Variants in MCC observed in about 807,000 individuals in gnomAD.
MCC encodes the protein MCC regulator of Wnt signaling pathway, also known as colorectal mutant cancer protein.
Under a neutral mutation model 116.2 loss-of-function variants are expected in MCC, and 90 were observed. The ratio of observed to expected loss-of-function variants is 0.77; its 90% CI spans 0.65 to 0.92. MCC has a LOEUF of 0.92. Ranked by LOEUF, MCC falls within the 40% of genes least tolerant of loss-of-function variation. The pLI is 0.00. For synonymous variants in MCC, 578 were observed against 510.5 expected (o/e 1.13, Z -1.78); for missense variants, 1,516 against 1,312.2 (o/e 1.16, Z -2.40).
intron 3 of MCC, among the ~76,000 whole-genome samples, chr5:113,338,875 C>T (rs1767934772): frequency 6.6e-6 from 1 of 152,142 alleles, no homozygotes; most frequent in South Asian, 2.1e-4. Flanking sequence ...ACAAACAGTG[C>T]AATAACTATG....
rs75435573 is a variant in MCC at position 113,064,694 on chromosome 5, A to T, written c.2030-527T>A. 3.1e-3 allele frequency among the ~76,000 whole-genome samples: 478 copies of T among 152,278 alleles called. 10 individuals carry two copies. In the East Asian group the frequency reaches 0.058, roughly 18 times the overall value. On this transcript the variant is annotated intron_variant, in intron 13 of 18. Coordinates refer to ENST00000408903, the MANE Select transcript of MCC (RefSeq NM_001085377.2). ...TTTAGATTGGCTCTGTATTATAGGT[A>T]CCGATGCCACCCCTGACCCTTCTCT...
chr5:113,477,770 C>G (rs761427362), intron 1 of MCC, among the ~76,000 whole-genome samples: 50 of 152,108 alleles, frequency 3.3e-4, no homozygotes, highest in Non-Finnish European at 6.2e-4. Context: ...TCATGCCAAA[C>G]AAAGAAAGCT....
chr5:113,174,613 CT>C (rs530345977), intron 3 of MCC, among the ~76,000 whole-genome samples: 8,830 of 144,140 alleles, frequency 0.061, 272 homozygotes, highest in African/African-American at 0.062. Context: ...TTTCTTAAGA[CT>C]TTTTTTTTTT....
intron 18 of MCC, 146 bp from the exon 19 acceptor site, chr5:113,027,628 G>T: frequency 1.3e-6 from 1 of 762,446 alleles, no homozygotes; most frequent in Non-Finnish European, 2.1e-6. Context: ...GAAATCTAGT[G>T]GTCAGAGGAG....
chr5:113,457,516 G>A (rs1030140243), intron 1 of MCC, among the ~76,000 whole-genome samples: 3 of 152,244 alleles, frequency 2.0e-5, no homozygotes, highest in Admixed American at 6.5e-5. Context: ...TCACCCAAGC[G>A]CTGAGGAGTG....
chr5:113,276,483 T>TC (rs1488941808), intron 3 of MCC, among the ~76,000 whole-genome samples: 7 of 152,156 alleles, frequency 4.6e-5, no homozygotes, highest in African/African-American at 1.4e-4. Context: ...CCACTTTCCT[T>TC]CCTTTGATCT....
chr5:113,231,958 G>T (rs771571259), intron 3 of MCC, among the ~76,000 whole-genome samples: 1 of 152,026 alleles, frequency 6.6e-6, no homozygotes. Flanking sequence ...CTGACACTAA[G>T]TTGTACAGGA....
At chr5:113,331,133 G>GT in intron 3 of MCC, among the ~76,000 whole-genome samples, 1 of 152,352 alleles carries the variant, frequency 6.6e-6, no homozygotes. Context: ...ATGCTGAACT[G>GT]TGGAGAGGTT....
intron 3 of MCC, among the ~76,000 whole-genome samples, chr5:113,193,120 AC>A: frequency 6.6e-6 from 1 of 152,254 alleles, no homozygotes; most frequent in East Asian, 1.9e-4. Flanking sequence ...GGCCAGCAGC[AC>A]AGAATCTTCC....
At chr5:113,164,454 A>G (rs1166540312) in intron 3 of MCC, among the ~76,000 whole-genome samples, 2 of 152,320 alleles carry the variant, frequency 1.3e-5, no homozygotes, top group African/African-American at 4.8e-5. Flanking sequence ...TCAAACCTCC[A>G]GAACAATCCT....
At chr5:113,272,774 G>A (rs1765663950) in intron 3 of MCC, among the ~76,000 whole-genome samples, 1 of 152,152 alleles carries the variant, frequency 6.6e-6, no homozygotes, top group African/African-American at 2.4e-5. Context: ...GATAATGCTT[G>A]GATTGCAAGG....
intron 3 of MCC, among the ~76,000 whole-genome samples, chr5:113,311,264 C>T (rs757531344): frequency 1.8e-4 from 28 of 152,238 alleles, no homozygotes; most frequent in Non-Finnish European, 3.2e-4. Context: ...AGTACCCTCC[C>T]ACTCTGACTC....
rs1300602302 is a variant in MCC, at chr5:113,053,892, C to T, written c.2281G>A (p.Asp761Asn). The change falls in exon 15 of 19, where the codon GAT becomes AAT. Residue 761 changes from aspartate (D) to asparagine (N), a missense_variant. Coordinates refer to ENST00000408903, the MANE Select transcript of MCC (RefSeq NM_001085377.2). Reference protein sequence around the residue: ...FTKEDEQRLKDYIQQLKNDRA... With the variant: ...FTKEDEQRLKNYIQQLKNDRA... Reference sequence around the variant, plus strand: ...TCATTCTTGAGCTGCTGGATATAATCCTTCAGCCTCTGCTCGTCTTCTTTA... The same window carrying T: ...TCATTCTTGAGCTGCTGGATATAATTCTTCAGCCTCTGCTCGTCTTCTTTA... The T allele has an allele frequency of 6.2e-7, 1 of 1,614,002 alleles. No homozygotes were observed. The highest frequency in any genetic ancestry group is 2.2e-5 in the East Asian group (1 of 44,892).
intron 1 of MCC, among the ~76,000 whole-genome samples, chr5:113,405,125 A>C (rs1387867581): frequency 1.3e-5 from 2 of 152,246 alleles, no homozygotes; most frequent in African/African-American, 2.4e-5. Flanking sequence ...TCTAAAAAGC[A>C]ATGTTAGAGA....
intron 7 of MCC, among the ~76,000 whole-genome samples, chr5:113,102,838 C>T (rs1340207909): frequency 1.3e-5 from 2 of 151,434 alleles, no homozygotes; most frequent in South Asian, 2.1e-4. Flanking sequence ...GAAGACTGGC[C>T]GGGTGCAGTG....
intron 3 of MCC, among the ~76,000 whole-genome samples, chr5:113,301,380 G>A (rs944529610): frequency 1.3e-5 from 2 of 151,886 alleles, no homozygotes; most frequent in African/African-American, 4.8e-5. Flanking sequence ...GAGGAGAATC[G>A]CTTGAACACA....
intron 3 of MCC, among the ~76,000 whole-genome samples, chr5:113,301,226 G>C (rs950484271): frequency 6.6e-6 from 1 of 152,216 alleles, no homozygotes; most frequent in African/African-American, 2.4e-5. Flanking sequence ...AGCACTTTGG[G>C]AGGCCAAGGC....
chr5:113,450,463 C>A (rs544151685), intron 1 of MCC, among the ~76,000 whole-genome samples: 1 of 152,136 alleles, frequency 6.6e-6, no homozygotes, highest in Admixed American at 6.6e-5. Context: ...GATGCCCCCC[C>A]AAGCCTGGCA....
intron 5 of MCC, among the ~76,000 whole-genome samples, chr5:113,132,793 C>T (rs896692658): frequency 4.6e-5 from 7 of 152,152 alleles, no homozygotes; most frequent in Non-Finnish European, 1.0e-4. Flanking sequence ...GTGTTTCAGA[C>T]ATAGTACTCA....
Sources: gnomAD v4.1 joint callset for allele counts (sites outside exome capture counted in the v4.1 genomes callset) on GRCh38, gnomAD v4.1.1 for gene constraint, MANE v1.5 for transcripts, NCBI Gene and HGNC (gene_info 2026-07-23, HGNC 2026-07-21) for gene names.